Variants in PCM1 observed in about 807,000 individuals in gnomAD.
The protein encoded by PCM1 is pericentriolar material 1, also known as pericentriolar material 1 protein.
A neutral mutation model predicts 241.9 loss-of-function variants in PCM1; 157 were observed. The ratio of observed to expected loss-of-function variants is 0.65; its 90% CI spans 0.57 to 0.74. The LOEUF is 0.74. Ranked by LOEUF, PCM1 falls within the 30% of genes least tolerant of loss-of-function variation. The probability of loss-of-function intolerance (pLI) is 0.00; values close to 1 mark genes in which losing one functional copy is unlikely to be tolerated. For missense variants in PCM1, 3,478 were observed against 2,360.1 expected, an observed-to-expected ratio of 1.47 and a Z score of -9.81; for synonymous variants, 1,085 against 784.9, an observed-to-expected ratio of 1.38 and a Z score of -6.39.
intron 30 of PCM1, among the ~76,000 whole-genome samples, chr8:18,008,492 G>A (rs1270582583): frequency 2.0e-5 from 3 of 151,976 alleles, no homozygotes; most frequent in South Asian, 2.1e-4. Context: ...GAATCATTCC[G>A]AAACCTTCCC....
intron 23 of PCM1, among the ~76,000 whole-genome samples, chr8:17,979,263 CCAT>C: frequency 6.6e-6 from 1 of 152,198 alleles, no homozygotes; most frequent in South Asian, 2.1e-4. Flanking sequence ...TTCTGTCCCA[CCAT>C]CATTATTTAC....
intron 26 of PCM1, among the ~76,000 whole-genome samples, chr8:17,986,861 A>G (rs17635520): frequency 0.11 from 16,017 of 151,848 alleles, 1,176 homozygotes; most frequent in East Asian, 0.39. Flanking sequence ...TGATTAGCAA[A>G]TATCAGCTAT....
chr8:17,985,428 G>T lies in PCM1; in HGVS notation c.4109-19G>T. 1 of 1,527,822 alleles carries T rather than the reference G, an allele frequency of 6.5e-7. No homozygotes were observed. The highest frequency in any genetic ancestry group is 8.8e-7 in the Non-Finnish European group (1 of 1,133,794). The allele number at this position is 1,527,822 out of a possible 1,614,324, so 94.6% of individuals were successfully genotyped here. On this transcript the variant is annotated intron_variant, in intron 24 of 38. Transcript: ENST00000325083. ...GGTACTTCATCAATATTAACTTTCTGGTCTTTTATGTATTCCAGAAACTGG... is the reference window on the plus strand; with the variant it reads ...GGTACTTCATCAATATTAACTTTCTTGTCTTTTATGTATTCCAGAAACTGG...
rs2076154549 is a variant in PCM1 at position 17,969,511 on chromosome 8, T to G, written c.3413-66T>G. The G allele has an allele frequency of 2.0e-5, 24 of 1,208,086 alleles. No homozygotes were observed. In the South Asian group the frequency reaches 3.3e-4, roughly 17 times the overall value. 74.8% of individuals were successfully genotyped at this position (1,208,086 alleles called of 1,614,324 possible). On this transcript the variant is annotated intron_variant, in intron 21 of 38. Transcript: ENST00000325083. The stretch of plus-strand genomic sequence containing the variant: ...TGACATGTTTAATTAAAACTGTCTT[T>G]TAATTTCATTTTAAAGCTAAAGACA...
intron 6 of PCM1, 127 bp downstream of exon 6, chr8:17,939,988 C>T (rs2061553569): frequency 1.6e-6 from 2 of 1,284,080 alleles, no homozygotes; most frequent in African/African-American, 1.5e-5. Flanking sequence ...TCCATTATAA[C>T]AATTTATTGC....
chr8:17,963,118 A>G lies in PCM1; in HGVS notation c.2481A>G (p.Arg827=). ...IVDNELWSEM[R]RHEMLREELR... is the part of the protein sequence containing the mutation. ...AAAAATAGTTGTGGTCAGAAATGAG[A>G]AGACATGAAATGTTGAGGGAGGAGC... The change falls in exon 17 of 39, where the codon AGA becomes AGG. Residue 827 remains arginine (R), a synonymous_variant. Coordinates refer to ENST00000325083, the MANE Select transcript of PCM1 (RefSeq NM_006197.4). 6.2e-7 allele frequency: 1 copy of G among 1,610,392 alleles called. No homozygotes were observed. The highest frequency in any genetic ancestry group is 8.5e-7 in the Non-Finnish European group (1 of 1,178,150).
chr8:18,003,164 A>G (rs545950193), intron 29 of PCM1, among the ~76,000 whole-genome samples: 42 of 152,330 alleles, frequency 2.8e-4, no homozygotes, highest in Non-Finnish European at 5.9e-4. Context: ...AAGATCCATG[A>G]CATCTGAGAT....
chr8:17,924,362 T>A (rs1053420921), intron 1 of PCM1, among the ~76,000 whole-genome samples: 1 of 152,222 alleles, frequency 6.6e-6, no homozygotes, highest in Non-Finnish European at 1.5e-5. Context: ...ATATACGAGG[T>A]TGTTACATAG....
At chr8:17,994,843 G>A (rs1205239957) in intron 29 of PCM1, among the ~76,000 whole-genome samples, 2 of 151,470 alleles carry the variant, frequency 1.3e-5, no homozygotes, top group Admixed American at 1.3e-4. Context: ...TTTGAGAAGT[G>A]TGTCTTCAGA....
intron 38 of PCM1, among the ~76,000 whole-genome samples, chr8:18,027,017 G>C (rs148728514): frequency 6.6e-6 from 1 of 152,126 alleles, no homozygotes; most frequent in African/African-American, 2.4e-5. Context: ...CACAGCTCTG[G>C]AGCCACTCAA....
At chr8:17,928,515 A>T (rs1296751770) in intron 2 of PCM1, among the ~76,000 whole-genome samples, 1 of 150,356 alleles carries the variant, frequency 6.7e-6, no homozygotes, top group Admixed American at 6.6e-5. Flanking sequence ...TCTAAAGCTA[A>T]TCATTTGTCT....
intron 36 of PCM1, among the ~76,000 whole-genome samples, chr8:18,024,154 A>G (rs925584270): frequency 1.3e-5 from 2 of 152,212 alleles, no homozygotes; most frequent in African/African-American, 4.8e-5. Context: ...GGATAGAACT[A>G]AAAGGAGTTT....
chr8:17,993,418 A>G lies in PCM1; in HGVS notation c.4691-65A>G. ...AATTTAATATTTTTCAAATTTCAAC[A>G]TAAAGGCATATATGTATATATAATA... On this transcript the variant is annotated intron_variant, in intron 28 of 38. Transcript: ENST00000325083. The G allele has an allele frequency of 1.9e-6, 2 of 1,067,282 alleles. 1 individual carries two copies. Among genetic ancestry groups the G allele is most frequent in the South Asian group, 4.1e-5 (2 of 48,962 alleles). 66.1% of individuals were successfully genotyped at this position (1,067,282 alleles called of 1,614,324 possible). A position where few individuals can be genotyped will look rare whatever the true frequency, so the allele number is the denominator to read the frequency against.
In PCM1 at chr8:17,956,784, AC is replaced by A. The variant is rs1241546041; in HGVS notation, c.1646+8del. 6.2e-7 allele frequency: 1 copy of A among 1,600,010 alleles called. No homozygotes were observed. Among genetic ancestry groups the A allele is most frequent in the Non-Finnish European group, 8.5e-7 (1 of 1,170,832 alleles). On this transcript the variant is annotated splice_region_variant and intron_variant, in intron 11 of 38. Coordinates refer to ENST00000325083, the MANE Select transcript of PCM1 (RefSeq NM_006197.4). ...AGCCTGTTACTAACATTCGGTAAGA[AC>A]TTTTCTGGGGATGTTTTTCCAGCAT... is the stretch of plus-strand genomic sequence containing the variant.
At chr8:18,016,254 C>T (rs1057109656) in intron 36 of PCM1, among the ~76,000 whole-genome samples, 2 of 149,820 alleles carry the variant, frequency 1.3e-5, no homozygotes, top group Non-Finnish European at 3.0e-5. Flanking sequence ...AGACTGGGTC[C>T]AGTTGGCAGC....
chr8:17,944,058 T>TAA (rs1293492693), intron 6 of PCM1, among the ~76,000 whole-genome samples: 1 of 152,208 alleles, frequency 6.6e-6, no homozygotes, highest in Non-Finnish European at 1.5e-5. Flanking sequence ...CATGCGTTCA[T>TAA]TGTTTTCCTA....
intron 4 of PCM1, 141 bp from the exon 5 acceptor site, chr8:17,938,599 C>A (rs1758347290): frequency 1.6e-6 from 1 of 615,722 alleles, no homozygotes; most frequent in Non-Finnish European, 2.9e-6. Context: ...AGAGCCAAAG[C>A]TCTTTCAGGT....
chr8:17,962,286 T>A, intron 16 of PCM1, 112 bp downstream of exon 16: 1 of 831,064 alleles, frequency 1.2e-6, no homozygotes, highest in Non-Finnish European at 1.8e-6. Context: ...AACATGTTTG[T>A]AAATAGTAGT....
intron 29 of PCM1, among the ~76,000 whole-genome samples, chr8:18,003,593 T>G (rs1030618433): frequency 6.6e-6 from 1 of 152,160 alleles, no homozygotes; most frequent in Admixed American, 6.6e-5. Context: ...ATAGCACTTA[T>G]GACAAAGGAT....
Sources: allele counts gnomAD v4.1 joint callset (sites outside exome capture counted in the v4.1 genomes callset), GRCh38; gene constraint gnomAD v4.1.1; transcripts MANE v1.5; gene names NCBI Gene and HGNC (gene_info 2026-07-23, HGNC 2026-07-21).